Variants in ACSM2A observed in about 807,000 individuals in gnomAD.
ACSM2A encodes the protein acyl-coenzyme A synthetase ACSM2A, mitochondrial.
Under a neutral mutation model 76.6 loss-of-function variants are expected in ACSM2A, and 72 were observed. That is an observed-to-expected ratio of 0.94 (90% confidence interval 0.78 to 1.14). The LOEUF is 1.14. Among genes scored for constraint, ACSM2A ranks in the 50% most tolerant of loss-of-function variants. The pLI, the probability that ACSM2A is intolerant of heterozygous loss-of-function variation, is 0.00. For synonymous variants in ACSM2A, 249 were observed against 255.9 expected (o/e 0.97, Z 0.26); for missense variants, 684 against 708.5 (o/e 0.97, Z 0.39).
chr16:20,464,201 G>A (rs532968979), intron 2 of ACSM2A, among the ~76,000 whole-genome samples: 5 of 152,226 alleles, frequency 3.3e-5, no homozygotes, highest in South Asian at 2.1e-4. Context: ...TCATCTTTCT[G>A]TCTCTTCTAA....
At chr16:20,482,594 T>A (rs1634312) in intron 12 of ACSM2A, 19,838 of 161,986 alleles carry the variant, frequency 0.12, 1,388 homozygotes, top group East Asian at 0.19. Context: ...CCATGGGGGA[T>A]CCCCTGCTGA....
At chr16:20,470,529 A>C (rs1048192578) in intron 4 of ACSM2A, among the ~76,000 whole-genome samples, 1 of 152,210 alleles carries the variant, frequency 6.6e-6, no homozygotes, top group African/African-American at 2.4e-5. Flanking sequence ...CATGGTCTTT[A>C]AGGTAGCTGT....
chr16:20,467,084 G>T (rs553758564), intron 3 of ACSM2A, among the ~76,000 whole-genome samples: 58 of 152,280 alleles, frequency 3.8e-4, no homozygotes, highest in African/African-American at 1.3e-3. Context: ...GATGAAGTCA[G>T]CTATGTCAGA....
At chr16:20,457,060 G>T (rs1408665068) in intron 1 of ACSM2A, among the ~76,000 whole-genome samples, 2 of 151,980 alleles carry the variant, frequency 1.3e-5, no homozygotes, top group Non-Finnish European at 2.9e-5. Context: ...TGGAGGAGAT[G>T]GATAAATTCT....
chr16:20,475,956 C>T, intron 8 of ACSM2A, 183 bp downstream of exon 8: 2 of 1,390,296 alleles, frequency 1.4e-6, no homozygotes, highest in African/African-American at 1.5e-5. Context: ...GGCAAAGTTC[C>T]TGTTTTCTGG....
Position 20,469,683 on chromosome 16 carries a change from G to T in ACSM2A, c.560G>T (p.Ser187Ile), listed in dbSNP as rs376585853. ...LRIKLLVSEKSCDGWLNFKKL... is the reference protein window; with the variant it reads ...LRIKLLVSEKICDGWLNFKKL... ...ATTAAGCTACTGGTGTCTGAGAAAA[G>T]CTGTGATGGGTGGCTGAACTTCAAG... Residue 187 changes from serine (S) to isoleucine (I), a missense_variant, in exon 4 of 14, where the codon AGC (serine) becomes ATC (isoleucine). Transcript: ENST00000573854. 1.9e-5 allele frequency: 31 copies of T among 1,613,842 alleles called. No individual in the cohort carries two copies. The highest frequency in any genetic ancestry group is 1.9e-5 in the Non-Finnish European group (23 of 1,179,800).
intron 12 of ACSM2A, chr16:20,481,367 A>C (rs1293248822): frequency 6.2e-6 from 1 of 162,242 alleles, no homozygotes; most frequent in East Asian, 1.8e-4. Context: ...GTATATATAC[A>C]CAATGGAATA....
rs982914855 is a variant in ACSM2A, at chr16:20,458,913, TATATATATATATATATATAC to T, written c.-8-1180_-8-1161del. Among the ~76,000 whole-genome samples, 7 of 59,622 alleles carry T rather than the reference TATATATATATATATATATAC, an allele frequency of 1.2e-4. 1 individual carries two copies. Among genetic ancestry groups the T allele is most frequent in the East Asian group, 3.1e-3 (1 of 324 alleles). 39.1% of individuals were successfully genotyped at this position (59,622 alleles called of 152,430 possible). A position where few individuals can be genotyped will look rare whatever the true frequency, so the allele number is the denominator to read the frequency against. Reference sequence around the variant, plus strand: ...TATATTATATATATATGCATATATATATATATATATATATATATACATATATATATATAATGAAATACTAC... The same window carrying T: ...TATATTATATATATATGCATATATATATATATATATATAATGAAATACTAC... On this transcript the variant is annotated intron_variant, in intron 1 of 13. Transcript: ENST00000573854.
At chr16:20,482,995 C>T in intron 12 of ACSM2A, 63 bp from the exon 13 acceptor site, 1 of 1,585,066 alleles carries the variant, frequency 6.3e-7, no homozygotes, top group Non-Finnish European at 8.6e-7. Context: ...GCCAATTTCA[C>T]ATTATTCCAG....
intron 6 of ACSM2A, chr16:20,473,891 G>T: frequency 5.8e-6 from 2 of 344,962 alleles, no homozygotes; most frequent in Non-Finnish European, 1.1e-5. Context: ...AGCTTCCTCT[G>T]CAAATAAGAA....
At chr16:20,470,761 CA>C in intron 4 of ACSM2A, 1 of 540,972 alleles carries the variant, frequency 1.8e-6, no homozygotes, top group Non-Finnish European at 3.5e-6. Flanking sequence ...GCAATTTGCT[CA>C]TTTCTTTGGT....
chr16:20,474,553 T>A (rs557797292), intron 6 of ACSM2A, among the ~76,000 whole-genome samples: 1 of 152,310 alleles, frequency 6.6e-6, no homozygotes, highest in South Asian at 2.1e-4. Context: ...CTTCATAAAT[T>A]ACTCAGTCTC....
chr16:20,476,615 C>G, intron 8 of ACSM2A: 1 of 985,714 alleles, frequency 1.0e-6, no homozygotes, highest in Non-Finnish European at 1.2e-6. Context: ...TACAAGGACA[C>G]TCAGGTTCCC....
chr16:20,477,348 T>A, intron 8 of ACSM2A, 21 bp from the exon 9 acceptor site: 1 of 1,578,246 alleles, frequency 6.3e-7, no homozygotes, highest in Admixed American at 1.9e-5. Flanking sequence ...GGTTTGCTGA[T>A]CTGTCTGCTT....
At chr16:20,468,883 T>G (rs2013189683) in intron 3 of ACSM2A, among the ~76,000 whole-genome samples, 1 of 152,210 alleles carries the variant, frequency 6.6e-6, no homozygotes, top group African/African-American at 2.4e-5. Flanking sequence ...CTTTCTAATG[T>G]TCTCATCACA....
intron 8 of ACSM2A, chr16:20,476,421 C>G: frequency 2.0e-6 from 2 of 985,542 alleles, no homozygotes; most frequent in South Asian, 4.7e-5. Flanking sequence ...ACTCTCTTAC[C>G]CTGCATCCTT....
At chr16:20,459,335 C>T (rs996590927) in intron 1 of ACSM2A, among the ~76,000 whole-genome samples, 1 of 152,160 alleles carries the variant, frequency 6.6e-6, no homozygotes, top group Non-Finnish European at 1.5e-5. Context: ...GTCCTGTGCA[C>T]TAGATGGATA....
chr16:20,471,864 G>C (rs903165000), intron 6 of ACSM2A, among the ~76,000 whole-genome samples, 175 bp downstream of exon 6: 1 of 152,176 alleles, frequency 6.6e-6, no homozygotes, highest in Non-Finnish European at 1.5e-5. Context: ...CTCATGTTCT[G>C]GGGTAGGAGA....
chr16:20,454,547 A>T (rs1255933362), intron 1 of ACSM2A, among the ~76,000 whole-genome samples: 1 of 151,862 alleles, frequency 6.6e-6, no homozygotes, highest in Non-Finnish European at 1.5e-5. Flanking sequence ...GCCAAGCAAG[A>T]TAATGAGAAA....
Sources: gnomAD v4.1 joint callset for allele counts (sites outside exome capture counted in the v4.1 genomes callset) on GRCh38, gnomAD v4.1.1 for gene constraint, MANE v1.5 for transcripts, NCBI Gene and HGNC (gene_info 2026-07-23, HGNC 2026-07-21) for gene names.